The following WDR44 variants were observed in gnomAD, a reference collection of about 807,000 sequenced individuals.
WDR44 encodes the protein WD repeat domain 44, also known as WD repeat-containing protein 44.
A neutral mutation model predicts 65.7 loss-of-function variants in WDR44; 9 were observed. The ratio of observed to expected loss-of-function variants is 0.14; its 90% CI spans 0.08 to 0.24. WDR44 has a LOEUF of 0.24. Ranked by LOEUF, WDR44 falls within the 10% of genes least tolerant of loss-of-function variation. The pLI is 1.00. For missense variants in WDR44, 425 were observed against 670.9 expected (o/e 0.63, Z 4.05); for synonymous variants, 220 against 235.2 (o/e 0.94, Z 0.59).
At chrX:118,369,262 C>T (rs1015118537) in intron 1 of WDR44, among the ~76,000 whole-genome samples, 2 of 109,762 alleles carry the variant, frequency 1.8e-5, no homozygotes, top group East Asian at 2.9e-4. Context: ...AGCTCCGCCT[C>T]CCGGGTTCAC....
intron 2 of WDR44, among the ~76,000 whole-genome samples, chrX:118,378,863 G>T (rs1267730179): frequency 2.2e-5 from 2 of 91,803 alleles, no homozygotes; most frequent in African/African-American, 4.4e-5. Context: ...GTGAAACCCC[G>T]TCTCTACTAA....
chrX:118,375,530 A>T (rs2056651368), intron 1 of WDR44, among the ~76,000 whole-genome samples: 1 of 106,022 alleles, frequency 9.4e-6, no homozygotes, highest in African/African-American at 3.6e-5. Context: ...AAAAAAAAAA[A>T]AACAAACAGG....
chrX:118,435,386 T>G (rs1344341314), intron 13 of WDR44, among the ~76,000 whole-genome samples: 1 of 112,910 alleles, frequency 8.9e-6, no homozygotes, highest in East Asian at 2.8e-4. Context: ...CAAGCGATTC[T>G]CCTGCCTCAG....
At chrX:118,387,919 A>G (rs979422960) in intron 3 of WDR44, among the ~76,000 whole-genome samples, 6 of 111,959 alleles carry the variant, frequency 5.4e-5, no homozygotes, top group African/African-American at 1.9e-4. Flanking sequence ...TCAAGGAGAA[A>G]GACAGGATGG....
chrX:118,356,162 T>C (rs1602855500), intron 1 of WDR44, among the ~76,000 whole-genome samples: 1 of 112,496 alleles, frequency 8.9e-6, no homozygotes, highest in Non-Finnish European at 1.9e-5. Context: ...TTTCAAACAA[T>C]GAAAAGCAGT....
chrX:118,365,026 CTGAG>C (rs1335812483), intron 1 of WDR44, among the ~76,000 whole-genome samples: 3 of 112,195 alleles, frequency 2.7e-5, no homozygotes, highest in Non-Finnish European at 5.6e-5. Flanking sequence ...TTTCTCTCTT[CTGAG>C]TATGTTCTGT....
Position 118,404,439 on chromosome X carries a change from A to G in WDR44, c.1376A>G (p.Asp459Gly). Residue 459 changes from aspartate (D) to glycine (G), a missense_variant, in exon 9 of 20, where the codon GAT becomes GGT. By Grantham distance (94) the Asp-to-Gly change is moderately conservative. Around this residue, in one of 5 missense-constraint regions of WDR44, gnomAD observed 77 missense variants for 183.5 expected, o/e 0.42. Coordinates refer to ENST00000254029, the MANE Select transcript of WDR44 (RefSeq NM_019045.5). ...RAINKVKSVR[D>G]EVFHTDQDDP... is the part of the protein sequence containing the mutation. ...ATAAATAAAGTTAAAAGTGTTAGAGATGAAGGTGAGTTAAAACAGAACATT... is the reference window on the plus strand; with the variant it reads ...ATAAATAAAGTTAAAAGTGTTAGAGGTGAAGGTGAGTTAAAACAGAACATT... The G allele has an allele frequency of 8.5e-7, 1 of 1,174,259 alleles. No homozygotes were observed. The highest frequency in any genetic ancestry group is 3.0e-5 in the East Asian group (1 of 33,361).
chrX:118,350,759 C>CT (rs1442072637), intron 1 of WDR44, among the ~76,000 whole-genome samples: 3 of 111,355 alleles, frequency 2.7e-5, no homozygotes, highest in South Asian at 3.7e-4. Flanking sequence ...TTTCAGCACT[C>CT]TTTTTTTTAG....
chrX:118,394,692 A>G (rs1042148856), intron 5 of WDR44, among the ~76,000 whole-genome samples: 2 of 111,163 alleles, frequency 1.8e-5, no homozygotes, highest in Non-Finnish European at 3.8e-5. Context: ...AGCTACTTAC[A>G]TGGTAGCTGT....
At chrX:118,352,256 C>T (rs1205643017) in intron 1 of WDR44, among the ~76,000 whole-genome samples, 3 of 89,504 alleles carry the variant, frequency 3.4e-5, no homozygotes, top group Admixed American at 2.6e-4. Flanking sequence ...CTCAGGTGAT[C>T]CTCCCACCTC....
At chrX:118,360,606 C>T (rs1249438241) in intron 1 of WDR44, among the ~76,000 whole-genome samples, 1 of 111,665 alleles carries the variant, frequency 9.0e-6, no homozygotes, top group Non-Finnish European at 1.9e-5. Flanking sequence ...TAATTAGTTG[C>T]TTACTTTAAT....
At position 118,438,797 on chromosome X, in the gene WDR44, G is replaced by GTTTTTTTGTTTTT. The variant is rs1431508948; in HGVS notation, c.1974+1980_1974+1981insGTTTTTTTTTTTT. Among the ~76,000 whole-genome samples, 39 of 64,046 alleles carry GTTTTTTTGTTTTT rather than the reference G, an allele frequency of 6.1e-4. 1 individual carries two copies. The highest frequency in any genetic ancestry group is 1.8e-3 in the African/African-American group (31 of 17,639). 55.6% of individuals were successfully genotyped at this position (64,046 alleles called of 115,157 possible). A position where few individuals can be genotyped will look rare whatever the true frequency, so the allele number is the denominator to read the frequency against. ...TTTATTAAACTTTCTGTTCAGCCAT[G>GTTTTTTTGTTTTT]TTTTTTTTTTTTTTTTTTTTTGAAG... On this transcript the variant is annotated intron_variant, in intron 14 of 19. Transcript: ENST00000254029.
chrX:118,407,141 C>T (rs2056974026), intron 10 of WDR44, 115 bp downstream of exon 10: 11 of 717,255 alleles, frequency 1.5e-5, no homozygotes, highest in African/African-American at 2.1e-5. Flanking sequence ...GACTCAAGAA[C>T]GGGGAATTTA....
chrX:118,408,396 CTT>C (rs59082617), intron 10 of WDR44, among the ~76,000 whole-genome samples: 13,363 of 100,643 alleles, frequency 0.13, 770 homozygotes, highest in Admixed American at 0.26. Flanking sequence ...ATACAACTAC[CTT>C]TTTTTTTTTT....
chrX:118,387,532 A>T, intron 3 of WDR44, 118 bp downstream of exon 3: 2 of 381,847 alleles, frequency 5.2e-6, no homozygotes, highest in Non-Finnish European at 8.5e-6. Context: ...ATGTTCAGCA[A>T]ATGTTTCATG....
At chrX:118,354,019 T>G (rs994534587) in intron 1 of WDR44, among the ~76,000 whole-genome samples, 1 of 92,593 alleles carries the variant, frequency 1.1e-5, no homozygotes, top group Non-Finnish European at 2.3e-5. Flanking sequence ...GTATGGGTCT[T>G]TTTTTTTATA....
rs139938927 is a variant in WDR44, at chrX:118,371,258, G to A, written c.78-7161G>A. On this transcript the variant is annotated intron_variant, in intron 1 of 19. Transcript: ENST00000254029. ...TGTGGAATGTAAAAATGATGAACTC[G>A]TAGAAGCAGAGAGTAGAATGGTAGT... is the stretch of plus-strand genomic sequence containing the variant. Among the ~76,000 whole-genome samples the A allele has an allele frequency of 2.5e-4, 28 of 111,903 alleles. No homozygotes were observed. The East Asian group carries it at 7.3e-3, about 29-fold the overall frequency.
chrX:118,408,618 C>T (rs1427247851), intron 10 of WDR44, among the ~76,000 whole-genome samples: 1 of 111,410 alleles, frequency 9.0e-6, no homozygotes. Context: ...AGGCTAGTCT[C>T]AAACTCCTGA....
chrX:118,371,981 TTTTCTTTTTTTA>T (rs1396068104), intron 1 of WDR44, among the ~76,000 whole-genome samples: 1 of 103,101 alleles, frequency 9.7e-6, no homozygotes, highest in African/African-American at 3.7e-5. Context: ...ATTTTTCTAT[TTTTCTTTTTTTA>T]TTTCTTTTTT....
Sources: allele counts gnomAD v4.1 joint callset (sites outside exome capture counted in the v4.1 genomes callset), GRCh38; gene constraint gnomAD v4.1.1; regional missense constraint gnomAD v4.1.1; transcripts MANE v1.5; gene names NCBI Gene and HGNC (gene_info 2026-07-23, HGNC 2026-07-21).